The following RAPGEF4 variants were observed in gnomAD, a reference collection of about 807,000 sequenced individuals.
RAPGEF4 encodes Rap guanine nucleotide exchange factor 4, also known as RAP guanine-nucleotide-exchange factor (GEF) 4.
Under a neutral mutation model 147.9 loss-of-function variants are expected in RAPGEF4, and 66 were observed. The observed-to-expected ratio is 0.45, with a 90% CI of 0.37 to 0.55. The LOEUF is 0.55. Among genes scored for constraint, RAPGEF4 ranks in the 20% least tolerant of loss-of-function variants. RAPGEF4 has a pLI of 0.00. For missense variants in RAPGEF4, 1,071 were observed against 1,257.3 expected, an observed-to-expected ratio of 0.85 and a Z score of 2.24; for synonymous variants, 419 against 442.7, an observed-to-expected ratio of 0.95 and a Z score of 0.67.
chr2:172,983,513 T>C lies in RAPGEF4; in HGVS notation c.1022T>C (p.Val341Ala). The C allele has an allele frequency of 6.2e-7, 1 of 1,612,566 alleles. No homozygotes were observed. Among genetic ancestry groups the C allele is most frequent in the South Asian group, 1.1e-5 (1 of 90,996 alleles). Residue 341 changes from valine (V) to alanine (A), a missense_variant, in exon 11 of 31, where the codon GTG becomes GCG. Transcript: ENST00000397081. ...CTTTGTAGACCTGGCCAGAGGACTGTGGATGACCTAGAGATTATCTATGAG... is the reference window on the plus strand; with the variant it reads ...CTTTGTAGACCTGGCCAGAGGACTGCGGATGACCTAGAGATTATCTATGAG... ...ILRKPPGQRT[V>A]DDLEIIYEEL...
intron 1 of RAPGEF4, among the ~76,000 whole-genome samples, chr2:172,777,374 AC>A (rs1684275337): frequency 6.6e-6 from 1 of 152,170 alleles, no homozygotes; most frequent in African/African-American, 2.4e-5. Context: ...TAAAAAAAAA[AC>A]CCTGCTTTTA....
chr2:173,036,127 C>T lies in RAPGEF4; in HGVS notation c.2703C>T (p.Asp901=). ...KFYAEFESLM[D]PSRNHRAYRL... is the part of the protein sequence containing the mutation. Reference sequence around the variant, plus strand: ...ATCATCTCTTTTTCTCTCCTAAGGACCCTTCAAGGAACCACAGGGCCTACA... The same window carrying T: ...ATCATCTCTTTTTCTCTCCTAAGGATCCTTCAAGGAACCACAGGGCCTACA... The change falls in exon 28 of 31, where the codon GAC becomes GAT. Residue 901 remains aspartate (D), a splice_region_variant and synonymous_variant. Coordinates refer to ENST00000397081, the MANE Select transcript of RAPGEF4 (RefSeq NM_007023.4). 1.2e-6 allele frequency: 2 copies of T among 1,605,954 alleles called. No individual in the cohort carries two copies. The highest frequency in any genetic ancestry group is 2.2e-5 in the South Asian group (2 of 90,906).
chr2:172,885,929 C>T (rs1258691195), intron 4 of RAPGEF4, among the ~76,000 whole-genome samples: 1 of 152,070 alleles, frequency 6.6e-6, no homozygotes, highest in African/African-American at 2.4e-5. Flanking sequence ...CATCTCGGTG[C>T]CCTGAGTGCC....
intron 4 of RAPGEF4, among the ~76,000 whole-genome samples, chr2:172,874,993 G>A (rs1429831105): frequency 7.9e-5 from 12 of 152,142 alleles, no homozygotes; most frequent in South Asian, 6.2e-4. Context: ...TTCTCTGATG[G>A]CCAGTGATGA....
chr2:172,950,954 G>A (rs1040048915), intron 6 of RAPGEF4, among the ~76,000 whole-genome samples: 1 of 152,226 alleles, frequency 6.6e-6, no homozygotes, highest in African/African-American at 2.4e-5. Flanking sequence ...TCAAAGTGTG[G>A]TTCCCACACC....
intron 17 of RAPGEF4, among the ~76,000 whole-genome samples, chr2:173,013,722 C>T (rs1695240133): frequency 1.3e-5 from 2 of 152,086 alleles, no homozygotes; most frequent in African/African-American, 4.8e-5. Flanking sequence ...AGTCAGTATC[C>T]TAGGCGTAGT....
intron 1 of RAPGEF4, among the ~76,000 whole-genome samples, chr2:172,777,005 G>C (rs1684234085): frequency 6.6e-6 from 1 of 152,054 alleles, no homozygotes; most frequent in African/African-American, 2.4e-5. Context: ...TTGTATGCTA[G>C]ATACTGTGGA....
At chr2:172,759,730 G>T (rs1696115798) in intron 1 of RAPGEF4, among the ~76,000 whole-genome samples, 1 of 152,202 alleles carries the variant, frequency 6.6e-6, no homozygotes, top group African/African-American at 2.4e-5. Flanking sequence ...ACATATGGCA[G>T]TTGTGACATT....
chr2:173,045,069 T>C (rs1430786401), intron 29 of RAPGEF4, among the ~76,000 whole-genome samples: 2 of 152,228 alleles, frequency 1.3e-5, no homozygotes, highest in East Asian at 1.9e-4. Flanking sequence ...CCTTTGTTTC[T>C]GCCAGGCTAG....
At chr2:172,940,640 T>C (rs1481816445) in intron 6 of RAPGEF4, among the ~76,000 whole-genome samples, 1 of 152,216 alleles carries the variant, frequency 6.6e-6, no homozygotes. Context: ...CCTCTTTTCT[T>C]GTAAATTACC....
At chr2:172,883,514 G>T (rs1286414068) in intron 4 of RAPGEF4, among the ~76,000 whole-genome samples, 2 of 152,074 alleles carry the variant, frequency 1.3e-5, no homozygotes, top group African/African-American at 4.8e-5. Flanking sequence ...GCATACTTCT[G>T]ACAAGTGGTC....
chr2:172,800,517 G>A (rs1014992468), intron 3 of RAPGEF4, among the ~76,000 whole-genome samples: 1 of 152,152 alleles, frequency 6.6e-6, no homozygotes, highest in African/African-American at 2.4e-5. Context: ...ACAGAGTAGT[G>A]CCCCATACAA....
chr2:172,798,213 A>G (rs1287128691), intron 3 of RAPGEF4, among the ~76,000 whole-genome samples: 1 of 152,192 alleles, frequency 6.6e-6, no homozygotes, highest in African/African-American at 2.4e-5. Context: ...CTAGTAGATG[A>G]AACTCATTCT....
chr2:173,051,915 T>C lies in RAPGEF4; in HGVS notation c.*148T>C. On this transcript the variant is annotated 3_prime_UTR_variant, in exon 31 of 31. Coordinates refer to ENST00000397081, the MANE Select transcript of RAPGEF4 (RefSeq NM_007023.4). ...GAGACACCTCAGGGCTGCATTCAGC[T>C]TACCAGCTACCTAGCAAGAGAAGGA... 1 of 830,676 alleles carries C rather than the reference T, an allele frequency of 1.2e-6. No homozygotes were observed. Among genetic ancestry groups the C allele is most frequent in the South Asian group, 2.0e-5 (1 of 49,094 alleles). The allele number at this position is 830,676 out of a possible 1,614,324, so 51.5% of individuals were successfully genotyped here. A position where few individuals can be genotyped will look rare whatever the true frequency, so the allele number is the denominator to read the frequency against.
chr2:172,963,332 T>A (rs1316353674), intron 8 of RAPGEF4, among the ~76,000 whole-genome samples: 1 of 152,212 alleles, frequency 6.6e-6, no homozygotes. Flanking sequence ...TAAATCAATG[T>A]GTCATATGTC....
chr2:172,761,417 C>T (rs886129694), intron 1 of RAPGEF4, among the ~76,000 whole-genome samples: 2 of 152,204 alleles, frequency 1.3e-5, no homozygotes, highest in African/African-American at 4.8e-5. Context: ...GCTGGGATTA[C>T]AGGCGTGAGC....
At chr2:172,986,821 G>A (rs959056388) in intron 12 of RAPGEF4, among the ~76,000 whole-genome samples, 4 of 151,672 alleles carry the variant, frequency 2.6e-5, no homozygotes, top group Non-Finnish European at 4.4e-5. Flanking sequence ...AGCCTCCCAA[G>A]TAGTTGGGAT....
chr2:172,976,617 C>T (rs1428672398), intron 10 of RAPGEF4, among the ~76,000 whole-genome samples: 1 of 152,158 alleles, frequency 6.6e-6, no homozygotes, highest in Non-Finnish European at 1.5e-5. Flanking sequence ...ATGTTGATTT[C>T]TCCGGGTGTT....
At chr2:172,751,029 T>C (rs764649263) in intron 1 of RAPGEF4, among the ~76,000 whole-genome samples, 11 of 152,368 alleles carry the variant, frequency 7.2e-5, no homozygotes, top group Non-Finnish European at 5.9e-5. Flanking sequence ...GAATTTTACA[T>C]GTTTTCTTTA....
Sources: allele counts gnomAD v4.1 joint callset (sites outside exome capture counted in the v4.1 genomes callset), GRCh38; gene constraint gnomAD v4.1.1; transcripts MANE v1.5; gene names NCBI Gene and HGNC (gene_info 2026-07-23, HGNC 2026-07-21).